Variants in MIR2052HG observed in about 807,000 individuals in gnomAD.
MIR2052HG encodes MIR2052 host gene.
chr8:74,710,823 A>T (rs1397882576), intron 4 of MIR2052HG, among the ~76,000 whole-genome samples: 1 of 152,186 alleles, frequency 6.6e-6, no homozygotes, highest in Non-Finnish European at 1.5e-5. Flanking sequence ...TTATCTGATT[A>T]TGAGGGAACT....
At chr8:74,750,108 A>C (rs934086593) in intron 4 of MIR2052HG, among the ~76,000 whole-genome samples, 7 of 152,214 alleles carry the variant, frequency 4.6e-5, no homozygotes, top group Non-Finnish European at 8.8e-5. Flanking sequence ...AATGAAAAGT[A>C]ATTGTTTCAT....
intron 2 of MIR2052HG, among the ~76,000 whole-genome samples, chr8:74,629,576 A>C (rs1411136588): frequency 1.3e-5 from 2 of 152,108 alleles, no homozygotes; most frequent in Non-Finnish European, 2.9e-5. Flanking sequence ...CCTTGAGAGC[A>C]TAGGTACTTA....
chr8:74,703,883 A>G (rs1162424100), intron 4 of MIR2052HG, among the ~76,000 whole-genome samples: 1 of 152,072 alleles, frequency 6.6e-6, no homozygotes, highest in Non-Finnish European at 1.5e-5. Flanking sequence ...CCCATCAGGT[A>G]GCACTGATAA....
intron 4 of MIR2052HG, among the ~76,000 whole-genome samples, chr8:74,727,653 G>A (rs1003416694): frequency 6.6e-6 from 1 of 152,086 alleles, no homozygotes; most frequent in Non-Finnish European, 1.5e-5. Context: ...AGACCTACTT[G>A]CATATTTTTT....
intron 4 of MIR2052HG, among the ~76,000 whole-genome samples, chr8:74,706,314 G>A (rs928007440): frequency 6.6e-6 from 1 of 152,114 alleles, no homozygotes; most frequent in Non-Finnish European, 1.5e-5. Context: ...AGCACTTGGG[G>A]AAGAGGGAGT....
chr8:74,695,169 C>T (rs867719836), intron 2 of MIR2052HG, among the ~76,000 whole-genome samples: 2 of 152,100 alleles, frequency 1.3e-5, no homozygotes, highest in African/African-American at 4.8e-5. Flanking sequence ...CCTTAAACAA[C>T]AAAACGATAA....
intron 4 of MIR2052HG, among the ~76,000 whole-genome samples, chr8:74,721,704 G>A (rs1331273261): frequency 6.6e-6 from 1 of 152,220 alleles, no homozygotes; most frequent in African/African-American, 2.4e-5. Flanking sequence ...CCTAGAACTG[G>A]CATAGTGTCA....
At chr8:74,687,329 C>G (rs937148485) in intron 2 of MIR2052HG, among the ~76,000 whole-genome samples, 1 of 152,116 alleles carries the variant, frequency 6.6e-6, no homozygotes. Flanking sequence ...TATGATCCAG[C>G]AATTCCAAAT....
At chr8:74,657,727 T>A (rs1808821757) in intron 2 of MIR2052HG, among the ~76,000 whole-genome samples, 1 of 152,066 alleles carries the variant, frequency 6.6e-6, no homozygotes, top group South Asian at 2.1e-4. Flanking sequence ...AACCATCAGA[T>A]CTTGTGAGAC....
At chr8:74,626,640 C>G (rs895085526) in intron 2 of MIR2052HG, among the ~76,000 whole-genome samples, 3 of 152,188 alleles carry the variant, frequency 2.0e-5, no homozygotes, top group Non-Finnish European at 4.4e-5. Context: ...GTGAATACTA[C>G]CATTCTCTAC....
intron 4 of MIR2052HG, among the ~76,000 whole-genome samples, chr8:74,711,060 C>T (rs1809463722): frequency 6.6e-6 from 1 of 152,170 alleles, no homozygotes; most frequent in African/African-American, 2.4e-5. Context: ...TTTCTCCTTT[C>T]TCTTCTTCAA....
At chr8:74,718,168 A>G (rs1809539413) in intron 4 of MIR2052HG, among the ~76,000 whole-genome samples, 1 of 152,222 alleles carries the variant, frequency 6.6e-6, no homozygotes, top group Non-Finnish European at 1.5e-5. Context: ...CTTTAAAACT[A>G]TCTTTTAATA....
intron 2 of MIR2052HG, among the ~76,000 whole-genome samples, chr8:74,673,666 A>G (rs1474186565): frequency 1.3e-5 from 2 of 151,938 alleles, no homozygotes; most frequent in African/African-American, 4.8e-5. Flanking sequence ...AAAGAAGTTA[A>G]GAAGATATAT....
At chr8:74,729,522 A>C (rs1269720517) in intron 4 of MIR2052HG, among the ~76,000 whole-genome samples, 2 of 152,174 alleles carry the variant, frequency 1.3e-5, no homozygotes, top group Non-Finnish European at 2.9e-5. Flanking sequence ...AATCATGGCT[A>C]ACAACAATAA....
At chr8:74,720,896 A>C (rs1305646693) in intron 4 of MIR2052HG, among the ~76,000 whole-genome samples, 1 of 152,132 alleles carries the variant, frequency 6.6e-6, no homozygotes, top group Non-Finnish European at 1.5e-5. Flanking sequence ...AAACCATCAG[A>C]TCTTATGAGA....
At chr8:74,695,942 T>G (rs1217908301) in intron 2 of MIR2052HG, among the ~76,000 whole-genome samples, 1 of 152,048 alleles carries the variant, frequency 6.6e-6, no homozygotes, top group Non-Finnish European at 1.5e-5. Flanking sequence ...CAAAAAACAA[T>G]GGACTTAAAC....
chr8:74,665,545 T>G (rs1008528405), intron 2 of MIR2052HG, among the ~76,000 whole-genome samples: 5 of 152,200 alleles, frequency 3.3e-5, no homozygotes, highest in Admixed American at 3.3e-4. Context: ...CTTCCCTCCT[T>G]GCTATTTACT....
intron 2 of MIR2052HG, among the ~76,000 whole-genome samples, chr8:74,646,585 T>G (rs1054780177): frequency 2.0e-5 from 3 of 152,086 alleles, no homozygotes; most frequent in Non-Finnish European, 4.4e-5. Context: ...AAAAGATATG[T>G]TTTATAGACT....
At chr8:74,638,433 T>A (rs1335618672) in intron 2 of MIR2052HG, among the ~76,000 whole-genome samples, 1 of 152,148 alleles carries the variant, frequency 6.6e-6, no homozygotes, top group Non-Finnish European at 1.5e-5. Context: ...GACACTATCA[T>A]ACAGGCTGCA....
Sources: allele counts gnomAD v4.1 joint callset (sites outside exome capture counted in the v4.1 genomes callset), GRCh38; gene constraint gnomAD v4.1.1; transcripts MANE v1.5; gene names NCBI Gene and HGNC (gene_info 2026-07-23, HGNC 2026-07-21).